Variants in TMEM114 observed in about 807,000 individuals in gnomAD.
The protein encoded by TMEM114 is transmembrane protein 114, also known as claudin-26.
TMEM114 carries 6 observed loss-of-function variants against 6.2 expected under a neutral mutation model. The ratio of observed to expected loss-of-function variants is 0.97; its 90% CI spans 0.53 to 1.91. The LOEUF is 1.91. Among genes scored for constraint, TMEM114 ranks in the 40% most tolerant of loss-of-function variants. The probability of loss-of-function intolerance (pLI) is 0.01; values close to 1 mark genes in which losing one functional copy is unlikely to be tolerated. For missense variants in TMEM114, 218 were observed against 158.3 expected (o/e 1.38, Z -2.02); for synonymous variants, 104 against 73.0 (o/e 1.42, Z -2.16).
intron 2 of TMEM114, among the ~76,000 whole-genome samples, chr16:8,538,928 G>C (rs1264684674): frequency 6.6e-6 from 1 of 152,172 alleles, no homozygotes; most frequent in Non-Finnish European, 1.5e-5. Flanking sequence ...TAATGTATCT[G>C]TGTGTGACTT....
downstream of TMEM114, among the ~76,000 whole-genome samples, chr16:8,566,050 A>G (rs1253103952): frequency 6.6e-6 from 1 of 152,164 alleles, no homozygotes; most frequent in Non-Finnish European, 1.5e-5. Context: ...AATCCAATGG[A>G]TTAAAATACG....
chr16:8,562,385 G>GAGTGAAT (rs1567202184), intron 2 of TMEM114, among the ~76,000 whole-genome samples: 2 of 115,236 alleles, frequency 1.7e-5, no homozygotes, highest in Non-Finnish European at 3.6e-5. Flanking sequence ...AGTGAGTGAG[G>GAGTGAAT]GAATGAGTGA....
intron 2 of TMEM114, among the ~76,000 whole-genome samples, chr16:8,561,203 C>T (rs550243685): frequency 1.3e-5 from 2 of 152,218 alleles, no homozygotes; most frequent in African/African-American, 2.4e-5. Flanking sequence ...TCCTGTCTGT[C>T]CAGCCCTAGG....
At chr16:8,559,383 C>T (rs1032240543) in intron 2 of TMEM114, among the ~76,000 whole-genome samples, 3 of 150,766 alleles carry the variant, frequency 2.0e-5, no homozygotes, top group African/African-American at 7.4e-5. Flanking sequence ...TTCCATCGCA[C>T]AGATCAGGAC....
At chr16:8,557,617 C>T (rs1414843723) in intron 2 of TMEM114, among the ~76,000 whole-genome samples, 2 of 152,196 alleles carry the variant, frequency 1.3e-5, no homozygotes, top group African/African-American at 4.8e-5. Context: ...GTATGTGGCC[C>T]TTAAGAACAC....
At chr16:8,550,356 A>G (rs1900801575) in intron 2 of TMEM114, among the ~76,000 whole-genome samples, 1 of 152,136 alleles carries the variant, frequency 6.6e-6, no homozygotes, top group Non-Finnish European at 1.5e-5. Context: ...AGTACCCTAG[A>G]ATTTTGTTCG....
At chr16:8,564,095 G>GATC (rs1476782985) in intron 2 of TMEM114, among the ~76,000 whole-genome samples, 1 of 151,288 alleles carries the variant, frequency 6.6e-6, no homozygotes, top group East Asian at 1.9e-4. Context: ...GTGAGTGAGT[G>GATC]AATGAGTGAG....
At chr16:8,565,969 A>G (rs1405017537), downstream of TMEM114, among the ~76,000 whole-genome samples, 1 of 152,238 alleles carries the variant, frequency 6.6e-6, no homozygotes, top group African/African-American at 2.4e-5. Flanking sequence ...ATAAGAAAAT[A>G]GAAGAGGAGA....
At chr16:8,534,377 T>A (rs1378401280), downstream of TMEM114, among the ~76,000 whole-genome samples, 4 of 151,216 alleles carry the variant, frequency 2.6e-5, no homozygotes, top group African/African-American at 9.7e-5. Context: ...ATTCTTCATG[T>A]CCTTTATAGC....
chr16:8,569,786 T>A lies in TMEM114; in HGVS notation c.659A>T (p.Asp220Val), dbSNP rs761388965. 1.3e-6 allele frequency: 2 copies of A among 1,550,334 alleles called. No homozygotes were observed. The highest frequency in any genetic ancestry group is 1.2e-5 in the South Asian group (1 of 84,030). Residue 220 changes from aspartate to valine, a missense_variant, in exon 4 of 4, where the codon GAC (aspartate) becomes GTC (valine). Coordinates refer to ENST00000620492, the MANE Select transcript of TMEM114 (RefSeq NM_001146336.2). ...ARELSLRRRQ[D>V]QAI ...CAGCGCCCAGGCTCATATGGCCTGG[T>A]CCTGCCTCCGTCTCAGGCTGAGCTC...
intron 2 of TMEM114, among the ~76,000 whole-genome samples, chr16:8,543,189 A>C (rs1367264846): frequency 2.0e-5 from 3 of 152,196 alleles, no homozygotes; most frequent in Admixed American, 6.5e-5. Context: ...CTACAGAGCA[A>C]AGCTGGGCCC....
intron 2 of TMEM114, among the ~76,000 whole-genome samples, chr16:8,562,922 G>A (rs1901318537): frequency 1.3e-5 from 2 of 148,478 alleles, no homozygotes; most frequent in Non-Finnish European, 3.0e-5. Flanking sequence ...ATGAGTAAAT[G>A]AGTGAGTGAG....
chr16:8,570,489 G>A (rs1422059862), intron 3 of TMEM114, among the ~76,000 whole-genome samples: 3 of 152,004 alleles, frequency 2.0e-5, no homozygotes, highest in South Asian at 2.1e-4. Flanking sequence ...CCGCCACCGC[G>A]CCCGGCTAAT....
intron 2 of TMEM114, among the ~76,000 whole-genome samples, chr16:8,575,274 T>C (rs1408401908): frequency 2.0e-5 from 3 of 152,194 alleles, no homozygotes; most frequent in Non-Finnish European, 4.4e-5. Flanking sequence ...CTAGAACTTA[T>C]TAAATTCAGC....
At chr16:8,566,676 A>G (rs998340877), downstream of TMEM114, among the ~76,000 whole-genome samples, 4 of 151,670 alleles carry the variant, frequency 2.6e-5, no homozygotes, top group African/African-American at 9.7e-5. Context: ...TTCACCTCCT[A>G]TTTCTCTCCA....
chr16:8,555,139 T>A (rs887837454), intron 2 of TMEM114, among the ~76,000 whole-genome samples: 1 of 152,204 alleles, frequency 6.6e-6, no homozygotes, highest in South Asian at 2.1e-4. Context: ...ATCATGCACA[T>A]TTCCTGAGCT....
Position 8,569,905 on chromosome 16 carries a change from C to G in TMEM114, c.540G>C (p.Gln180His), listed in dbSNP as rs779341424. The G allele has an allele frequency of 4.4e-4, 675 of 1,551,124 alleles. 1 individual carries two copies. The highest frequency in any genetic ancestry group is 5.4e-4 in the Non-Finnish European group (624 of 1,146,972). The change falls in exon 4 of 4, where the codon CAG (glutamine) becomes CAC (histidine). Residue 180 changes from glutamine to histidine, a missense_variant. By Grantham distance (24) the Gln-to-His change is conservative. Transcript: ENST00000620492. ...GGGACCAGCCGAAGCTGATGTCCAC[C>G]TGGTCCAGGAGGGCCTTCTCCTCCA... Reference protein sequence around the residue: ...CLLEEKALLDQVDISFGWSLA... With the variant: ...CLLEEKALLDHVDISFGWSLA...
Position 8,589,667 on chromosome 16 carries a change from G to A in TMEM114, c.172C>T (p.Gln58Ter). The A allele has an allele frequency of 2.5e-6, 1 of 398,512 alleles. No homozygotes were observed. The allele number at this position is 398,512 out of a possible 1,614,324, so 24.7% of individuals were successfully genotyped here. Residue 58 changes from glutamine to a stop codon, truncating the protein, a stop_gained, in exon 1 of 4, where the codon CAG (glutamine) becomes TAG (stop). Coordinates refer to ENST00000620492, the MANE Select transcript of TMEM114 (RefSeq NM_001146336.2). LOFTEE classifies it high-confidence loss of function. ...QDLLGSINRS[Q>*]PEPLSSHSGL... is the part of the protein sequence containing the mutation. ...GAGTGGGAGCTCAGAGGCTCGGGCTGGCTGCGATTGATGGACCCCAGCAGG... is the reference window on the plus strand; with the variant it reads ...GAGTGGGAGCTCAGAGGCTCGGGCTAGCTGCGATTGATGGACCCCAGCAGG...
intron 2 of TMEM114, among the ~76,000 whole-genome samples, chr16:8,562,832 ATGAGTGAGTGAATAAG>A (rs1354990877): frequency 2.1e-5 from 3 of 144,224 alleles, no homozygotes; most frequent in Non-Finnish European, 3.0e-5. Context: ...GAGGGAGGGA[ATGAGTGAGTGAATAAG>A]TGAGTGAGTG....
Sources: gnomAD v4.1 joint callset for allele counts (sites outside exome capture counted in the v4.1 genomes callset) on GRCh38, gnomAD v4.1.1 for gene constraint, MANE v1.5 for transcripts, NCBI Gene and HGNC (gene_info 2026-07-23, HGNC 2026-07-21) for gene names.